DMD: variants seen among roughly 807,000 people sequenced by gnomAD.
The protein encoded by DMD is mutant dystrophin.
A neutral mutation model predicts 330.1 loss-of-function variants in DMD; 63 were observed. That is an observed-to-expected ratio of 0.19 (90% CI 0.16 to 0.24). The LOEUF (loss-of-function observed/expected upper bound fraction) is 0.24, where lower values mean the gene tolerates loss of function less well. Ranked by LOEUF, DMD falls within the 10% of genes least tolerant of loss-of-function variation. DMD has a pLI of 1.00. For missense variants in DMD, 3,344 were observed against 2,684.1 expected (o/e 1.25, Z -5.43); for synonymous variants, 1,223 against 959.8 (o/e 1.27, Z -5.07).
intron 45 of DMD, among the ~76,000 whole-genome samples, chrX:31,939,105 T>A (rs968595356): frequency 1.8e-5 from 2 of 112,007 alleles, no homozygotes; most frequent in Admixed American, 1.9e-4. Context: ...TTCAGAAGGA[T>A]TCAAGTATAA....
At chrX:32,751,604 T>A (rs2070822859) in intron 7 of DMD, among the ~76,000 whole-genome samples, 1 of 112,372 alleles carries the variant, frequency 8.9e-6, no homozygotes, top group South Asian at 3.7e-4. Context: ...AAAATCACAC[T>A]TTCTGAGAAG....
intron 43 of DMD, among the ~76,000 whole-genome samples, chrX:32,281,448 C>A (rs981600378): frequency 1.8e-5 from 2 of 111,529 alleles, no homozygotes; most frequent in African/African-American, 6.5e-5. Flanking sequence ...TAGTTCAGTC[C>A]AGCATTCACA....
intron 51 of DMD, among the ~76,000 whole-genome samples, chrX:31,767,226 AGAAAT>A (rs2090058403): frequency 8.9e-6 from 1 of 111,941 alleles, no homozygotes; most frequent in Non-Finnish European, 1.9e-5. Context: ...AAGTTTGTGC[AGAAAT>A]GAAATGATGA....
At chrX:32,879,021 A>AAAAAAAAAAAACAAACAAAC (rs1352069437) in intron 2 of DMD, among the ~76,000 whole-genome samples, 7 of 101,762 alleles carry the variant, frequency 6.9e-5, no homozygotes, top group African/African-American at 2.5e-4. Context: ...AAAAAAACAA[A>AAAAAAAAAAAACAAACAAAC]AAACAAAAAA....
At chrX:31,569,364 T>G (rs2075631068) in intron 55 of DMD, among the ~76,000 whole-genome samples, 1 of 108,933 alleles carries the variant, frequency 9.2e-6, no homozygotes, top group Non-Finnish European at 1.9e-5. Flanking sequence ...GTCTGTACCT[T>G]AGACTTTGGT....
chrX:32,886,682 C>CAA (rs763733630), intron 2 of DMD, among the ~76,000 whole-genome samples: 75 of 107,889 alleles, frequency 7.0e-4, no homozygotes, highest in African/African-American at 2.3e-3. Flanking sequence ...GACTCCGTCT[C>CAA]AAAAAAAAAG....
At chrX:32,313,617 G>C (rs1182822456) in intron 41 of DMD, among the ~76,000 whole-genome samples, 1 of 111,455 alleles carries the variant, frequency 9.0e-6, no homozygotes. Flanking sequence ...AATTATCTCT[G>C]TTTGCAGATG....
chrX:31,372,434 G>C (rs1365903102), intron 60 of DMD, among the ~76,000 whole-genome samples: 1 of 111,885 alleles, frequency 8.9e-6, no homozygotes, highest in African/African-American at 3.3e-5. Flanking sequence ...CCTGGGCTTT[G>C]ACTCCACATT....
intron 60 of DMD, among the ~76,000 whole-genome samples, chrX:31,410,921 G>T (rs867492185): frequency 0.016 from 963 of 59,763 alleles, 27 homozygotes; most frequent in African/African-American, 0.062. Context: ...CTGTGTGTGT[G>T]TTTTTTTTTT....
At chrX:31,231,287 T>A (rs1334405726) in intron 63 of DMD, among the ~76,000 whole-genome samples, 1 of 110,954 alleles carries the variant, frequency 9.0e-6, no homozygotes, top group African/African-American at 3.3e-5. Context: ...TAAATACATT[T>A]AAAATAGTAC....
intron 7 of DMD, among the ~76,000 whole-genome samples, chrX:32,725,285 G>T (rs2066743261): frequency 9.0e-6 from 1 of 110,653 alleles, no homozygotes; most frequent in Non-Finnish European, 1.9e-5. Context: ...TCATATCATG[G>T]ATCATAGTCA....
At chrX:32,287,410 T>G (rs2097446604) in intron 43 of DMD, 119 bp downstream of exon 43, 21 of 656,390 alleles carry the variant, frequency 3.2e-5, no homozygotes, top group Non-Finnish European at 4.3e-5. Flanking sequence ...CATTTTTCAA[T>G]GAGAGTGATA....
intron 59 of DMD, among the ~76,000 whole-genome samples, chrX:31,455,414 T>C (rs2066088739): frequency 9.0e-6 from 1 of 111,679 alleles, no homozygotes; most frequent in African/African-American, 3.3e-5. Flanking sequence ...CACCAGTATA[T>C]GCCAAGCCAT....
chrX:32,654,934 G>A (rs113265183), intron 9 of DMD, among the ~76,000 whole-genome samples: 1,483 of 111,757 alleles, frequency 0.013, 22 homozygotes, highest in African/African-American at 0.046. Context: ...GTTTATTTGC[G>A]TAGAGGTGTT....
rs184014713 is a variant in DMD at position 31,593,984 on chromosome X, C to T, written c.8217+33689G>A. Among the ~76,000 whole-genome samples, 11 of 111,022 alleles carry T rather than the reference C, an allele frequency of 9.9e-5. No individual in the cohort carries two copies. The East Asian group carries it at 1.7e-3, about 17-fold the overall frequency. The stretch of plus-strand genomic sequence containing the variant: ...CTTCCACCATGCAAAAATGACTAAA[C>T]GATTTTTTAATTTCTAAAGCTTTTT... On this transcript the variant is annotated intron_variant, in intron 55 of 78. Coordinates refer to ENST00000357033, the MANE Select transcript of DMD (RefSeq NM_004006.3).
In DMD at chrX:31,762,308, C is replaced by T. The variant is rs768968035; in HGVS notation, c.7542+11652G>A. Among the ~76,000 whole-genome samples, 4 of 108,084 alleles carry T rather than the reference C, an allele frequency of 3.7e-5. No individual in the cohort carries two copies. The East Asian group carries it at 9.2e-4, about 25-fold the overall frequency. The allele number at this position is 108,084 out of a possible 115,157, so 93.9% of individuals were successfully genotyped here. The stretch of plus-strand genomic sequence containing the variant: ...AAGTCTTGCTGGGCACGGTGGCTCA[C>T]GCCTGTAATCCCACCACTTTGGGAG... On this transcript the variant is annotated intron_variant, in intron 51 of 78. Coordinates refer to ENST00000357033, the MANE Select transcript of DMD (RefSeq NM_004006.3).
intron 27 of DMD, among the ~76,000 whole-genome samples, chrX:32,444,179 T>C (rs762245251): frequency 9.1e-6 from 1 of 110,088 alleles, no homozygotes; most frequent in South Asian, 3.8e-4. Flanking sequence ...AAGGAAGAAG[T>C]AGAACATCCC....
At chrX:33,222,187 A>G (rs770405645) in intron 1 of DMD, among the ~76,000 whole-genome samples, 123 of 112,140 alleles carry the variant, frequency 1.1e-3, no homozygotes, top group Non-Finnish European at 1.9e-3. Flanking sequence ...AAATTCAGCA[A>G]TGTACTAATG....
chrX:33,214,258 C>T (rs2052012602), upstream of DMD, among the ~76,000 whole-genome samples: 1 of 110,720 alleles, frequency 9.0e-6, no homozygotes, highest in African/African-American at 3.3e-5. Flanking sequence ...TTTTTCATTC[C>T]TCTAGATTCA....
Sources: gnomAD v4.1 joint callset for allele counts (sites outside exome capture counted in the v4.1 genomes callset) on GRCh38, gnomAD v4.1.1 for gene constraint, MANE v1.5 for transcripts, NCBI Gene and HGNC (gene_info 2026-07-23, HGNC 2026-07-21) for gene names.